Variants in DCLK2 observed in about 807,000 individuals in gnomAD.
The protein encoded by DCLK2 is serine/threonine-protein kinase DCLK2.
DCLK2 carries 31 observed loss-of-function variants against 78.4 expected under a neutral mutation model. That is an observed-to-expected ratio of 0.40 (90% CI 0.30 to 0.53). The LOEUF is 0.53. Ranked by LOEUF, DCLK2 falls within the 20% of genes least tolerant of loss-of-function variation. The probability of loss-of-function intolerance (pLI) is 0.61; values close to 1 mark genes in which losing one functional copy is unlikely to be tolerated. For missense variants in DCLK2, 872 were observed against 973.7 expected, an observed-to-expected ratio of 0.90 and a Z score of 1.39; for synonymous variants, 407 against 374.9, an observed-to-expected ratio of 1.09 and a Z score of -0.99.
chr4:150,247,521 TC>T, intron 12 of DCLK2, 81 bp from the exon 13 acceptor site: 1 of 1,204,038 alleles, frequency 8.3e-7, no homozygotes, highest in East Asian at 2.4e-5. Context: ...TGGACTCCTT[TC>T]CCCGCTCTTC....
intron 15 of DCLK2, chr4:150,253,818 G>C (rs541270967): frequency 2.0e-6 from 2 of 985,450 alleles, no homozygotes; most frequent in Non-Finnish European, 2.4e-6. Context: ...TTCTCCTACC[G>C]ATGCTGTTTC....
chr4:150,179,857 G>C (rs1363505750), intron 2 of DCLK2, among the ~76,000 whole-genome samples: 1 of 152,098 alleles, frequency 6.6e-6, no homozygotes, highest in African/African-American at 2.4e-5. Flanking sequence ...TTTGTTTGAA[G>C]ATATCAATTT....
chr4:150,136,979 C>CTTTTTTTTTTTTTTT (rs35729685), intron 2 of DCLK2, among the ~76,000 whole-genome samples: 8 of 82,408 alleles, frequency 9.7e-5, no homozygotes, highest in South Asian at 6.4e-4. Flanking sequence ...TCTTCTTCTT[C>CTTTTTTTTTTTTTTT]TTTTTTTTTT....
At chr4:150,080,113 C>A (rs540769851) in intron 1 of DCLK2, among the ~76,000 whole-genome samples, 3 of 145,204 alleles carry the variant, frequency 2.1e-5, no homozygotes, top group Admixed American at 6.8e-5. Flanking sequence ...TCTCAAAAGC[C>A]CCCCCCCCAG....
chr4:150,249,612 T>C lies in DCLK2; in HGVS notation c.2001T>C (p.Gly667=). 6.2e-7 allele frequency: 1 copy of C among 1,613,730 alleles called. No homozygotes were observed. Among genetic ancestry groups the C allele is most frequent in the South Asian group, 1.1e-5 (1 of 91,068 alleles). Residue 667 remains glycine (G), a synonymous_variant, in exon 15 of 16, where the codon GGT becomes GGC. Coordinates refer to ENST00000296550, the MANE Select transcript of DCLK2 (RefSeq NM_001040260.4). ...ATAACATGCAAGCTGAGGTGACAGG[T>C]AAACTAAAACAGCACTTTAATAATG... is the stretch of plus-strand genomic sequence containing the variant. ...QENNMQAEVT[G]KLKQHFNNAL... is the part of the protein sequence containing the mutation.
intron 5 of DCLK2, among the ~76,000 whole-genome samples, chr4:150,210,317 C>G (rs568848473): frequency 2.4e-4 from 37 of 152,142 alleles, no homozygotes; most frequent in African/African-American, 8.4e-4. Flanking sequence ...CACGTGAAGG[C>G]AGTTTTACTT....
At chr4:150,211,685 G>A (rs1219176627) in intron 5 of DCLK2, among the ~76,000 whole-genome samples, 3 of 151,808 alleles carry the variant, frequency 2.0e-5, no homozygotes, top group Admixed American at 1.3e-4. Context: ...CCTTTTGTTC[G>A]TCAGACTGCT....
chr4:150,242,971 A>C (rs890173031), intron 12 of DCLK2, among the ~76,000 whole-genome samples: 2 of 152,126 alleles, frequency 1.3e-5, no homozygotes, highest in Non-Finnish European at 2.9e-5. Context: ...GGCCAGTTAC[A>C]GTGGAGTTCC....
chr4:150,238,548 A>G (rs1580777200), intron 10 of DCLK2, among the ~76,000 whole-genome samples: 1 of 152,346 alleles, frequency 6.6e-6, no homozygotes, highest in East Asian at 1.9e-4. Context: ...TCACGTCTCC[A>G]CCAGCATTTT....
chr4:150,082,099 T>A (rs1226258622), intron 1 of DCLK2, among the ~76,000 whole-genome samples: 1 of 152,170 alleles, frequency 6.6e-6, no homozygotes, highest in African/African-American at 2.4e-5. Context: ...ATTAAAATTG[T>A]GTGCTCAGAT....
chr4:150,234,366 ATTATCT>A (rs1335859622), intron 10 of DCLK2, among the ~76,000 whole-genome samples: 2 of 152,126 alleles, frequency 1.3e-5, no homozygotes, highest in African/African-American at 2.4e-5. Flanking sequence ...TTTGTGTCTA[ATTATCT>A]TTATATCTCC....
intron 2 of DCLK2, among the ~76,000 whole-genome samples, chr4:150,154,760 A>G (rs1318102807): frequency 6.6e-6 from 1 of 152,100 alleles, no homozygotes; most frequent in Non-Finnish European, 1.5e-5. Flanking sequence ...TAAAAATTTT[A>G]CCTTTTATGA....
chr4:150,245,359 G>T (rs1462232173), intron 12 of DCLK2, among the ~76,000 whole-genome samples: 8 of 152,022 alleles, frequency 5.3e-5, no homozygotes, highest in Admixed American at 4.6e-4. Flanking sequence ...CATTCAGCTG[G>T]GCTTGCTTTT....
At chr4:150,220,457 A>C (rs527880099) in intron 5 of DCLK2, among the ~76,000 whole-genome samples, 123 of 152,302 alleles carry the variant, frequency 8.1e-4, no homozygotes, top group African/African-American at 2.9e-3. Flanking sequence ...TGGAAGTAAA[A>C]AATAACATAA....
intron 2 of DCLK2, among the ~76,000 whole-genome samples, chr4:150,164,822 T>C (rs1253373637): frequency 1.3e-5 from 2 of 152,142 alleles, no homozygotes; most frequent in African/African-American, 4.8e-5. Flanking sequence ...AGTCCAGTTA[T>C]ATTTTATTAG....
At chr4:150,080,022 A>T (rs1206170862) in intron 1 of DCLK2, among the ~76,000 whole-genome samples, 1 of 151,968 alleles carries the variant, frequency 6.6e-6, no homozygotes, top group Admixed American at 6.6e-5. Flanking sequence ...GGACTTCGAA[A>T]AATATGGGAC....
chr4:150,150,582 T>A (rs13434782), intron 2 of DCLK2, among the ~76,000 whole-genome samples: 3,364 of 152,310 alleles, frequency 0.022, 106 homozygotes, highest in African/African-American at 0.077. Context: ...TTTATTTTTT[T>A]AAAAATTCAG....
chr4:150,197,924 A>G, intron 3 of DCLK2, 78 bp from the exon 4 acceptor site: 1 of 1,121,722 alleles, frequency 8.9e-7, no homozygotes, highest in Non-Finnish European at 1.3e-6. Flanking sequence ...AGTTCTGGTC[A>G]GTAAACAATT....
chr4:150,160,027 G>A (rs1029232005), intron 2 of DCLK2, among the ~76,000 whole-genome samples: 11 of 150,042 alleles, frequency 7.3e-5, no homozygotes, highest in Admixed American at 1.3e-4. Context: ...TTTTGTGTGT[G>A]TGTGTGAGAC....
Sources: gnomAD v4.1 joint callset for allele counts (sites outside exome capture counted in the v4.1 genomes callset) on GRCh38, gnomAD v4.1.1 for gene constraint, MANE v1.5 for transcripts, NCBI Gene and HGNC (gene_info 2026-07-23, HGNC 2026-07-21) for gene names.